The following ZNF182 variants were observed in gnomAD, a reference collection of about 807,000 sequenced individuals.
The protein encoded by ZNF182 is zinc finger protein 182.
Under a neutral mutation model 28.1 loss-of-function variants are expected in ZNF182, and 10 were observed. That is an observed-to-expected ratio of 0.36 (90% CI 0.22 to 0.60). ZNF182 has a LOEUF of 0.60. Among genes scored for constraint, ZNF182 ranks in the 20% least tolerant of loss-of-function variants. ZNF182 has a pLI of 0.75. For synonymous variants in ZNF182, 156 were observed against 158.7 expected, an observed-to-expected ratio of 0.98 and a Z score of 0.13; for missense variants, 352 against 453.2, an observed-to-expected ratio of 0.78 and a Z score of 2.03.
chrX:47,983,831 G>A (rs1412520240), intron 3 of ZNF182, among the ~76,000 whole-genome samples: 3 of 111,704 alleles, frequency 2.7e-5, no homozygotes, highest in East Asian at 5.6e-4. Flanking sequence ...CAGGTAAATC[G>A]TAAATCTAAT....
intron 3 of ZNF182, among the ~76,000 whole-genome samples, chrX:47,998,220 G>A (rs1331561949): frequency 9.1e-6 from 1 of 109,613 alleles, no homozygotes; most frequent in Non-Finnish European, 1.9e-5. Flanking sequence ...GAGTAGCTGG[G>A]ACTACAGGCA....
chrX:47,996,693 A>T (rs1000746958), intron 3 of ZNF182, among the ~76,000 whole-genome samples: 3 of 112,175 alleles, frequency 2.7e-5, no homozygotes, highest in African/African-American at 9.7e-5. Flanking sequence ...CTGTATTTAG[A>T]GACTGGGCCT....
chrX:47,991,007 T>C (rs898056295), intron 3 of ZNF182, among the ~76,000 whole-genome samples: 2 of 111,233 alleles, frequency 1.8e-5, no homozygotes, highest in Non-Finnish European at 1.9e-5. Context: ...AAAAGAAAAA[T>C]GATGGTTTAT....
rs782507151 is a variant in ZNF182 at position 47,975,287 on chromosome X, T to G, written c.*880A>C. The G allele has an allele frequency of 1.5e-4, 13 of 86,333 alleles. No homozygotes were observed. The highest frequency in any genetic ancestry group is 2.5e-4 in the Non-Finnish European group (11 of 44,610). The allele number at this position is 86,333 out of a possible 1,213,427, so 7.1% of individuals were successfully genotyped here. On this transcript the variant is annotated 3_prime_UTR_variant, in exon 6 of 6. Transcript: ENST00000376943. ...TGTCATTTAAACAGCTTCCAATCTT[T>G]TGTTTTCACAAACGCTGCATTAATG...
chrX:48,001,399 AG>A, intron 3 of ZNF182, among the ~76,000 whole-genome samples: 1 of 112,583 alleles, frequency 8.9e-6, no homozygotes, highest in East Asian at 2.8e-4. Flanking sequence ...ATGAATCTCC[AG>A]GGAATTGTGC....
rs183213164 is a variant in ZNF182 at position 47,999,420 on chromosome X, G to T, written c.15+3175C>A. 1.5e-4 allele frequency among the ~76,000 whole-genome samples: 17 copies of T among 110,536 alleles called. No homozygotes were observed. The East Asian group carries it at 4.6e-3, about 30-fold the overall frequency. ...TTTGCAACAATGGATGAACCTGGGGGACATTATCCTAAGTAAAATAAGCCA... is the reference window on the plus strand; with the variant it reads ...TTTGCAACAATGGATGAACCTGGGGTACATTATCCTAAGTAAAATAAGCCA... On this transcript the variant is annotated intron_variant, in intron 3 of 5. Transcript: ENST00000376943.
intron 3 of ZNF182, among the ~76,000 whole-genome samples, chrX:47,989,384 G>A (rs966609028): frequency 6.7e-5 from 7 of 104,263 alleles, no homozygotes; most frequent in Non-Finnish European, 9.7e-5. Context: ...CTGAGATGGC[G>A]CCACAGCACT....
In ZNF182 at chrX:47,977,457, C is replaced by T. The variant is rs199981997; in HGVS notation, c.573G>A (p.Glu191=). 2.6e-4 allele frequency: 314 copies of T among 1,210,344 alleles called. 3 individuals are homozygous for T. The highest frequency in any genetic ancestry group is 8.9e-6 in the Non-Finnish European group (8 of 895,370). The change falls in exon 6 of 6, where the codon GAG becomes GAA. Residue 191 remains glutamate, a synonymous_variant. Coordinates refer to ENST00000376943, the MANE Select transcript of ZNF182 (RefSeq NM_001007088.2). ...NPGMKPYGYK[E]CGKGLRRKKG... ...TCTTTCGCCTAAGACCTTTCCCACA[C>T]TCTTTATAGCCATAGGGCTTCATTC... is the stretch of plus-strand genomic sequence containing the variant.
intron 3 of ZNF182, among the ~76,000 whole-genome samples, chrX:47,984,279 T>G (rs2058916605): frequency 9.0e-6 from 1 of 111,655 alleles, no homozygotes; most frequent in Non-Finnish European, 1.9e-5. Context: ...AATAACATAA[T>G]ATTGTGTTGA....
At chrX:47,980,577 T>G (rs1486549049) in intron 5 of ZNF182, among the ~76,000 whole-genome samples, 4 of 111,848 alleles carry the variant, frequency 3.6e-5, no homozygotes, top group African/African-American at 1.3e-4. Context: ...TACAATTATG[T>G]GTCAACTAAA....
intron 3 of ZNF182, among the ~76,000 whole-genome samples, chrX:47,990,562 T>C (rs782439388): frequency 8.9e-6 from 1 of 112,177 alleles, no homozygotes; most frequent in South Asian, 3.7e-4. Context: ...CAAAAATTGG[T>C]GAATCTAGAT....
intron 5 of ZNF182, among the ~76,000 whole-genome samples, chrX:47,980,343 G>T (rs1330512270): frequency 1.4e-5 from 1 of 74,036 alleles, no homozygotes; most frequent in African/African-American, 4.2e-5. Flanking sequence ...TGGGTGCAAA[G>T]ATATAGTTAG....
chrX:47,988,965 G>A (rs781922649), intron 3 of ZNF182, among the ~76,000 whole-genome samples: 2 of 112,042 alleles, frequency 1.8e-5, no homozygotes, highest in South Asian at 7.3e-4. Context: ...ATTAATCAAT[G>A]GATAATAATA....
intron 3 of ZNF182, among the ~76,000 whole-genome samples, chrX:47,991,444 A>G (rs1159467070): frequency 8.9e-6 from 1 of 112,562 alleles, no homozygotes; most frequent in Non-Finnish European, 1.9e-5. Context: ...ATCTTCCGCA[A>G]CTGTTAAGAA....
chrX:47,985,080 A>C, intron 3 of ZNF182, among the ~76,000 whole-genome samples: 1 of 112,347 alleles, frequency 8.9e-6, no homozygotes, highest in South Asian at 3.7e-4. Flanking sequence ...TCCCACGTTT[A>C]TTTACCTCAG....
intron 3 of ZNF182, among the ~76,000 whole-genome samples, chrX:47,999,684 T>G (rs781919099): frequency 8.9e-6 from 1 of 111,974 alleles, no homozygotes; most frequent in Non-Finnish European, 1.9e-5. Flanking sequence ...TTAGTGCATA[T>G]TTTCAAATAG....
intron 3 of ZNF182, among the ~76,000 whole-genome samples, chrX:48,000,899 G>A (rs1430959535): frequency 9.0e-6 from 1 of 111,640 alleles, no homozygotes; most frequent in East Asian, 2.8e-4. Context: ...AAAAATGGGC[G>A]GAAACTTTTG....
intron 5 of ZNF182, among the ~76,000 whole-genome samples, chrX:47,977,999 G>A (rs897020009): frequency 9.0e-6 from 1 of 111,276 alleles, no homozygotes; most frequent in Non-Finnish European, 1.9e-5. Flanking sequence ...TCTTTCTTAC[G>A]TCTATTTATA....
intron 3 of ZNF182, among the ~76,000 whole-genome samples, chrX:48,000,503 A>C (rs2058975346): frequency 9.0e-6 from 1 of 111,316 alleles, no homozygotes; most frequent in South Asian, 3.7e-4. Flanking sequence ...TGGAGGTTGC[A>C]GTGAGCCAAG....
Sources: allele counts gnomAD v4.1 joint callset (sites outside exome capture counted in the v4.1 genomes callset), GRCh38; gene constraint gnomAD v4.1.1; transcripts MANE v1.5; gene names NCBI Gene and HGNC (gene_info 2026-07-23, HGNC 2026-07-21).